Variants in PACS1 observed in about 807,000 individuals in gnomAD.
The protein encoded by PACS1 is PACS-1.
PACS1 carries 24 observed loss-of-function variants against 115.0 expected under a neutral mutation model. The ratio of observed to expected loss-of-function variants is 0.21; its 90% CI spans 0.15 to 0.29. The LOEUF (loss-of-function observed/expected upper bound fraction) is 0.29, where lower values mean the gene tolerates loss of function less well. PACS1 is among the 10% of genes least tolerant of loss of function. The probability of loss-of-function intolerance (pLI) is 1.00; values close to 1 mark genes in which losing one functional copy is unlikely to be tolerated. For missense variants in PACS1, 838 were observed against 1,251.2 expected (o/e 0.67, Z 4.98); for synonymous variants, 453 against 504.5 (o/e 0.90, Z 1.37).
At chr11:66,159,437 C>CA (rs386374027) in intron 1 of PACS1, among the ~76,000 whole-genome samples, 5,663 of 135,624 alleles carry the variant, frequency 0.042, 332 homozygotes, top group African/African-American at 0.14. Flanking sequence ...AACTCAGTCT[C>CA]AAAAAAAAAA....
Position 66,235,365 on chromosome 11 carries a change from T to G in PACS1, c.2169T>G (p.Leu723=). The G allele has an allele frequency of 6.2e-7, 1 of 1,614,036 alleles. No homozygotes were observed. Among genetic ancestry groups the G allele is most frequent in the South Asian group, 1.1e-5 (1 of 91,072 alleles). Reference sequence around the variant, plus strand: ...ACGGGGCAGCCACGACACACCAGCTTCCCGTGGCCGAAGCCATGCTGACTT... The same window carrying G: ...ACGGGGCAGCCACGACACACCAGCTGCCCGTGGCCGAAGCCATGCTGACTT... The part of the protein sequence containing the change: ...YVNGAATTHQ[L]PVAEAMLTCR... The change falls in exon 18 of 24, where the codon CTT becomes CTG. Residue 723 remains leucine (L), a synonymous_variant. Coordinates refer to ENST00000320580, the MANE Select transcript of PACS1 (RefSeq NM_018026.4). The surrounding 1 kb of genome is among the most constrained non-coding windows in gnomAD (Gnocchi z 5.6).
rs1252636876 is a variant in PACS1 at position 66,221,173 on chromosome 11, T to A, written c.1219T>A (p.Ser407Thr). 1 of 1,614,042 alleles carries A rather than the reference T, an allele frequency of 6.2e-7. No individual in the cohort carries two copies. Among genetic ancestry groups the A allele is most frequent in the African/African-American group, 1.3e-5 (1 of 74,918 alleles). The change falls in exon 10 of 24, where the codon TCG (serine) becomes ACG (threonine). Residue 407 changes from serine (S) to threonine (T), a missense_variant. Ser to Thr is a moderately conservative substitution (Grantham distance 58, BLOSUM62 1). Around this residue, in one of 6 missense-constraint regions of PACS1, gnomAD observed 383 missense variants for 537.0 expected, o/e 0.71. Transcript: ENST00000320580. The stretch of plus-strand genomic sequence containing the variant: ...CCACAGGCCTTTCTTTGAGGGGATG[T>A]CGCAGTCCAGCTCCCAGACGGAGAT... Reference protein sequence around the residue: ...PKLKPFFEGMSQSSSQTEIGS... With the variant: ...PKLKPFFEGMTQSSSQTEIGS...
chr11:66,098,236 T>C (rs1027867198), intron 1 of PACS1, among the ~76,000 whole-genome samples: 4 of 152,180 alleles, frequency 2.6e-5, no homozygotes, highest in Non-Finnish European at 5.9e-5. Context: ...TTATAATTTA[T>C]TTGTAGAAGT....
At chr11:66,136,730 C>A (rs1001106134) in intron 1 of PACS1, among the ~76,000 whole-genome samples, 1 of 152,036 alleles carries the variant, frequency 6.6e-6, no homozygotes, top group African/African-American at 2.4e-5. Flanking sequence ...TAAGCAGGCC[C>A]ATTCCATTGT....
At chr11:66,240,347 G>A (rs1474013778) in intron 21 of PACS1, among the ~76,000 whole-genome samples, 1 of 152,184 alleles carries the variant, frequency 6.6e-6, no homozygotes, top group Non-Finnish European at 1.5e-5. Flanking sequence ...AGAAGGCCGA[G>A]GTGAGGAGAG....
At chr11:66,103,781 T>A (rs182142851) in intron 1 of PACS1, among the ~76,000 whole-genome samples, 1 of 152,266 alleles carries the variant, frequency 6.6e-6, no homozygotes, top group Admixed American at 6.5e-5. Context: ...CCCAAAGTGC[T>A]GGGATTACAG....
At chr11:66,237,938 C>A in intron 19 of PACS1, 2 of 366,810 alleles carry the variant, frequency 5.5e-6, no homozygotes, top group Non-Finnish European at 7.6e-6. Flanking sequence ...ACCTGCAGGC[C>A]TGTGCGGTAG....
intron 1 of PACS1, among the ~76,000 whole-genome samples, chr11:66,138,769 G>A (rs558869287): frequency 4.6e-5 from 7 of 151,048 alleles, no homozygotes; most frequent in South Asian, 2.1e-4. Context: ...TGCAACCTCC[G>A]CCTCCCGGGT....
chr11:66,176,527 C>T (rs1227903377), intron 1 of PACS1, among the ~76,000 whole-genome samples: 2 of 151,800 alleles, frequency 1.3e-5, no homozygotes, highest in East Asian at 3.9e-4. Flanking sequence ...GATTCTCCTG[C>T]CTCAGCCTCC....
intron 1 of PACS1, among the ~76,000 whole-genome samples, chr11:66,170,714 G>C (rs1859715179): frequency 6.8e-6 from 1 of 148,044 alleles, no homozygotes; most frequent in Non-Finnish European, 1.5e-5. Flanking sequence ...GAGGCAGGTG[G>C]ATAGCTTGAG....
At chr11:66,209,742 A>C (rs1244639537) in intron 2 of PACS1, among the ~76,000 whole-genome samples, 1 of 151,976 alleles carries the variant, frequency 6.6e-6, no homozygotes, top group East Asian at 1.9e-4. Context: ...GTCTCTACTA[A>C]AAATACAAAA....
intron 2 of PACS1, among the ~76,000 whole-genome samples, chr11:66,202,691 C>A (rs1398805453): frequency 1.6e-5 from 2 of 128,770 alleles, no homozygotes; most frequent in Non-Finnish European, 3.1e-5. Context: ...GAATTTGAGA[C>A]CAGCCTGGGC....
intron 1 of PACS1, among the ~76,000 whole-genome samples, chr11:66,127,262 G>A (rs564642325): frequency 3.3e-5 from 5 of 152,294 alleles, no homozygotes; most frequent in Admixed American, 1.3e-4. Flanking sequence ...ACACATTTAC[G>A]TCAACAGGTT....
intron 2 of PACS1, among the ~76,000 whole-genome samples, chr11:66,203,408 G>A (rs1854862061): frequency 6.6e-6 from 1 of 152,064 alleles, no homozygotes; most frequent in Non-Finnish European, 1.5e-5. Context: ...AATCAATATT[G>A]TTAAAATGTC....
chr11:66,070,359 C>A lies in PACS1; in HGVS notation c.-128C>A, dbSNP rs1857284849. 2 of 434,062 alleles carry A rather than the reference C, an allele frequency of 4.6e-6. No homozygotes were observed. The highest frequency in any genetic ancestry group is 5.2e-5 in the Admixed American group (1 of 19,388). 26.9% of individuals were successfully genotyped at this position (434,062 alleles called of 1,614,324 possible). A position where few individuals can be genotyped will look rare whatever the true frequency, so the allele number is the denominator to read the frequency against. On this transcript the variant is annotated 5_prime_UTR_variant, in exon 1 of 24. Transcript: ENST00000320580. The surrounding 1 kb of genome is among the most constrained non-coding windows in gnomAD (Gnocchi z 5.9). ...AGAGGCCCCGCGCGTGCGTGCAGCT[C>A]GCTGGCTGCTCGCGCTCGGGCAGGC...
intron 1 of PACS1, among the ~76,000 whole-genome samples, chr11:66,121,475 A>T (rs1239570890): frequency 2.0e-5 from 3 of 152,222 alleles, no homozygotes; most frequent in African/African-American, 7.2e-5. Context: ...GTAAGGAAGG[A>T]ATATTGAAAG....
At chr11:66,208,901 T>G (rs765382123) in intron 2 of PACS1, among the ~76,000 whole-genome samples, 1 of 152,204 alleles carries the variant, frequency 6.6e-6, no homozygotes, top group South Asian at 2.1e-4. Flanking sequence ...ATTTGGAAAT[T>G]CTACCACATC....
chr11:66,193,354 G>C (rs1419379009), intron 1 of PACS1, 132 bp from the exon 2 acceptor site: 16 of 603,846 alleles, frequency 2.6e-5, no homozygotes, highest in Admixed American at 2.0e-4. Context: ...TACTGAGAGA[G>C]GGGACCCCTG....
chr11:66,220,688 T>C lies in PACS1; in HGVS notation c.1096T>C (p.Leu366=). Residue 366 remains leucine (L), a synonymous_variant, in exon 9 of 24, where the codon TTG becomes CTG. Coordinates refer to ENST00000320580, the MANE Select transcript of PACS1 (RefSeq NM_018026.4). ...REQIREVEED[L]DELYDSLEMY... is the part of the protein sequence containing the mutation. ...GCAGATCCGGGAAGTGGAAGAGGACTTGGATGAATTGTATGACAGTCTGGA... is the reference window on the plus strand; with the variant it reads ...GCAGATCCGGGAAGTGGAAGAGGACCTGGATGAATTGTATGACAGTCTGGA... 1 of 1,614,138 alleles carries C rather than the reference T, an allele frequency of 6.2e-7. No individual in the cohort carries two copies. The highest frequency in any genetic ancestry group is 8.5e-7 in the Non-Finnish European group (1 of 1,180,022).
Sources: gnomAD v4.1 joint callset for allele counts (sites outside exome capture counted in the v4.1 genomes callset) on GRCh38, gnomAD v4.1.1 for gene constraint, gnomAD v4.1.1 regional missense constraint, Gnocchi (gnomAD v3.1) non-coding constraint, MANE v1.5 for transcripts, NCBI Gene and HGNC (gene_info 2026-07-23, HGNC 2026-07-21) for gene names.